The following L3MBTL2 variants were observed in gnomAD, a reference collection of about 807,000 sequenced individuals.
The protein encoded by L3MBTL2 is L3MBTL histone methyl-lysine binding protein 2.
In L3MBTL2, 49 loss-of-function variants were observed where a neutral mutation model predicts 86.4. The observed-to-expected ratio is 0.57, with a 90% CI of 0.45 to 0.72. L3MBTL2 has a LOEUF of 0.72. Among genes scored for constraint, L3MBTL2 ranks in the 30% least tolerant of loss-of-function variants. The pLI, the probability that L3MBTL2 is intolerant of heterozygous loss-of-function variation, is 0.00. For missense variants in L3MBTL2, 755 were observed against 923.7 expected (o/e 0.82, Z 2.37); for synonymous variants, 336 against 350.6 (o/e 0.96, Z 0.47).
intron 8 of L3MBTL2, 31 bp from the exon 9 acceptor site, chr22:41,223,989 A>T: frequency 6.5e-7 from 1 of 1,548,224 alleles, no homozygotes. Flanking sequence ...GCCCTGAGCC[A>T]TAGCAGGCCT....
At chr22:41,213,101 C>T (rs1022700537) in intron 2 of L3MBTL2, among the ~76,000 whole-genome samples, 4 of 152,066 alleles carry the variant, frequency 2.6e-5, no homozygotes, top group Non-Finnish European at 5.9e-5. Flanking sequence ...CCTGTAGTCC[C>T]AGCTACTCGG....
chr22:41,208,780 C>T (rs1226933763), intron 1 of L3MBTL2, among the ~76,000 whole-genome samples: 2 of 152,134 alleles, frequency 1.3e-5, no homozygotes, highest in African/African-American at 4.8e-5. Context: ...CATCTCACTC[C>T]ATTACCAGGC....
chr22:41,227,838 AAAG>A lies in L3MBTL2; in HGVS notation c.1863_1865del (p.Lys624del), dbSNP rs1291395764. The A allele has an allele frequency of 6.2e-7, 1 of 1,613,686 alleles. No homozygotes were observed. The highest frequency in any genetic ancestry group is 1.7e-5 in the Admixed American group (1 of 60,010). ...CACCGCTGAAGGCCAAAGAGGCCAC[AAAG>A]AAGAAAAAGAAACAGTTTGGGAAGA... On this transcript the variant is annotated inframe_deletion, in exon 15 of 17. Coordinates refer to ENST00000216237, the MANE Select transcript of L3MBTL2 (RefSeq NM_031488.5). This position sits in a 1 kb window ranked among gnomAD's most constrained non-coding sequence, Gnocchi z 6.0.
At chr22:41,226,885 C>G in intron 13 of L3MBTL2, 141 bp downstream of exon 13, 1 of 762,062 alleles carries the variant, frequency 1.3e-6, no homozygotes, top group East Asian at 2.7e-5. Context: ...AAGTCCCCAG[C>G]TATGGCCTGG....
chr22:41,205,531 C>A (rs1466937088), intron 1 of L3MBTL2, 145 bp downstream of exon 1: 3 of 994,662 alleles, frequency 3.0e-6, no homozygotes, highest in African/African-American at 1.6e-5. Context: ...GAGCCAGGGG[C>A]AGAGGCAATT....
chr22:41,224,302 CGGAGTG>C lies in L3MBTL2; in HGVS notation c.1174+56_1174+61del. 6.8e-7 allele frequency: 1 copy of C among 1,472,826 alleles called. No individual in the cohort carries two copies. The highest frequency in any genetic ancestry group is 9.4e-7 in the Non-Finnish European group (1 of 1,064,774). The allele number at this position is 1,472,826 out of a possible 1,614,324, so 91.2% of individuals were successfully genotyped here. On this transcript the variant is annotated intron_variant, in intron 9 of 16. Transcript: ENST00000216237. This position sits in a 1 kb window ranked among gnomAD's most constrained non-coding sequence, Gnocchi z 4.9. ...ACTGCATGCTGTGCTTCCCCAGGGA[CGGAGTG>C]GGAGCACCTTCCTACTCGTCACAGC...
At chr22:41,213,596 C>T (rs2031094490) in intron 2 of L3MBTL2, 1 of 219,328 alleles carries the variant, frequency 4.6e-6, no homozygotes, top group Non-Finnish European at 9.0e-6. Context: ...CTAGTTTCTT[C>T]TCACTTTCCT....
chr22:41,227,963 G>T lies in L3MBTL2; in HGVS notation c.1888+94G>T. ...AGGCGGGGGTCAGCCCCCAGGCACT[G>T]GTTCCCAGGTGCTGTCCTACTGACG... On this transcript the variant is annotated intron_variant, in intron 15 of 16. Transcript: ENST00000216237. This position sits in a 1 kb window ranked among gnomAD's most constrained non-coding sequence, Gnocchi z 6.0. 6.5e-7 allele frequency: 1 copy of T among 1,531,558 alleles called. No homozygotes were observed. The allele number at this position is 1,531,558 out of a possible 1,614,324, so 94.9% of individuals were successfully genotyped here.
intron 2 of L3MBTL2, 169 bp from the exon 3 acceptor site, chr22:41,213,724 T>C (rs2031109862): frequency 1.2e-5 from 8 of 678,934 alleles, no homozygotes; most frequent in Non-Finnish European, 2.0e-5. Flanking sequence ...TTCAGGTAGA[T>C]TCAGGATATA....
chr22:41,228,405 GCTTGGGTTCCA>G, intron 15 of L3MBTL2: 1 of 985,472 alleles, frequency 1.0e-6, no homozygotes, highest in South Asian at 4.7e-5. Flanking sequence ...TCTGAGCCCA[GCTTGGGTTCCA>G]CTTGAGGGGC....
chr22:41,209,811 A>G lies in L3MBTL2; in HGVS notation c.140A>G (p.Tyr47Cys). ...AGTGTGGGCAGTGAGAGCAGCTCCT[A>G]TCTGGAGGAGTCAAGTGAAGCAGAA... is the stretch of plus-strand genomic sequence containing the variant. ...NSSVGSESSS[Y>C]LEESSEAENE... The change falls in exon 2 of 17, where the codon TAT (tyrosine) becomes TGT (cysteine). Residue 47 changes from tyrosine to cysteine, a missense_variant. Physicochemically the swap from Tyr to Cys is radical, Grantham distance 194. Around this residue, in one of 3 missense-constraint regions of L3MBTL2, gnomAD observed 103 missense variants for 105.2 expected, o/e 0.98. Transcript: ENST00000216237. 1 of 1,614,194 alleles carries G rather than the reference A, an allele frequency of 6.2e-7. No homozygotes were observed. Among genetic ancestry groups the G allele is most frequent in the Non-Finnish European group, 8.5e-7 (1 of 1,180,034 alleles).
chr22:41,209,643 G>A lies in L3MBTL2; in HGVS notation c.25-53G>A, dbSNP rs748529662. ...GCAGATCTGCAGCTTCTCCCCCCGT[G>A]CACTAAAGCCAATCATAATTCTTTC... On this transcript the variant is annotated intron_variant, in intron 1 of 16. Transcript: ENST00000216237. The A allele has an allele frequency of 2.0e-6, 3 of 1,520,952 alleles. No individual in the cohort carries two copies. In the African/African-American group the frequency reaches 4.1e-5, roughly 21 times the overall value. The allele number at this position is 1,520,952 out of a possible 1,614,324, so 94.2% of individuals were successfully genotyped here.
rs2032157288 is a variant in L3MBTL2, at chr22:41,225,995, G to A, written c.1504+54G>A. ...TCCTTGCCATCAGAAGGGGCAGGGT[G>A]TCCAGGCGCGGTGGCTCCCGCCTGT... On this transcript the variant is annotated intron_variant, in intron 12 of 16. Coordinates refer to ENST00000216237, the MANE Select transcript of L3MBTL2 (RefSeq NM_031488.5). This position sits in a 1 kb window ranked among gnomAD's most constrained non-coding sequence, Gnocchi z 4.1. 1.9e-6 allele frequency: 3 copies of A among 1,583,162 alleles called. No individual in the cohort carries two copies. The highest frequency in any genetic ancestry group is 1.3e-5 in the African/African-American group (1 of 74,650).
In L3MBTL2 at chr22:41,229,578, CA is replaced by C; in HGVS notation, c.1928del (p.Gln643ArgfsTer32). ...GCCCACTAAGACGCGACCCCTCAGA[CA>C]GGGGTCCAAGAAGCCCCTGCTGGAG... Reference protein sequence around the residue: ...IPPTKTRPLRQGSKKPLLEDD... With the variant: ...IPPTKTRPLRXGSKKPLLEDD... On this transcript the variant is annotated frameshift_variant, in exon 16 of 17. Coordinates refer to ENST00000216237, the MANE Select transcript of L3MBTL2 (RefSeq NM_031488.5). LOFTEE classifies it high-confidence loss of function. The C allele has an allele frequency of 6.2e-7, 1 of 1,613,392 alleles. No homozygotes were observed. The highest frequency in any genetic ancestry group is 8.5e-7 in the Non-Finnish European group (1 of 1,179,424).
intron 7 of L3MBTL2, 36 bp downstream of exon 7, chr22:41,220,904 T>G (rs2031765860): frequency 6.3e-7 from 1 of 1,596,856 alleles, no homozygotes; most frequent in Admixed American, 1.7e-5. Flanking sequence ...CTTGTTCCCG[T>G]AGGGCCCCTG....
Position 41,209,787 on chromosome 22 carries a change from G to A in L3MBTL2, c.116G>A (p.Ser39Asn), listed in dbSNP as rs370002474. The A allele has an allele frequency of 2.5e-6, 4 of 1,614,216 alleles. No homozygotes were observed. Among genetic ancestry groups the A allele is most frequent in the East Asian group, 2.2e-5 (1 of 44,888 alleles). The change falls in exon 2 of 17, where the codon AGT (serine) becomes AAT (asparagine). Residue 39 changes from serine to asparagine, a missense_variant. Coordinates refer to ENST00000216237, the MANE Select transcript of L3MBTL2 (RefSeq NM_031488.5). ...GYDSFRSYNS[S>N]VGSESSSYLE... ...GATAGTTTCCGGAGTTATAACAGCA[G>A]TGTGGGCAGTGAGAGCAGCTCCTAT...
At chr22:41,222,778 G>T (rs1054907490) in intron 8 of L3MBTL2, among the ~76,000 whole-genome samples, 1 of 152,190 alleles carries the variant, frequency 6.6e-6, no homozygotes, top group Non-Finnish European at 1.5e-5. Flanking sequence ...AAATTAGCTG[G>T]GTGTGGTGGC....
Position 41,225,223 on chromosome 22 carries a change from G to T in L3MBTL2, c.1356+152G>T. ...CAGAGTCCCTGACTTTTGTGAGTGGGGCCTGGCCTGCCCCTTGCTCAGAAT... is the reference window on the plus strand; with the variant it reads ...CAGAGTCCCTGACTTTTGTGAGTGGTGCCTGGCCTGCCCCTTGCTCAGAAT... On this transcript the variant is annotated intron_variant, in intron 11 of 16. Coordinates refer to ENST00000216237, the MANE Select transcript of L3MBTL2 (RefSeq NM_031488.5). The surrounding 1 kb of genome is among the most constrained non-coding windows in gnomAD (Gnocchi z 4.1). 1 of 628,882 alleles carries T rather than the reference G, an allele frequency of 1.6e-6. No individual in the cohort carries two copies. Among genetic ancestry groups the T allele is most frequent in the Non-Finnish European group, 2.7e-6 (1 of 363,754 alleles). The allele number at this position is 628,882 out of a possible 1,614,324, so 39.0% of individuals were successfully genotyped here.
intron 3 of L3MBTL2, 104 bp downstream of exon 3, chr22:41,214,130 T>C: frequency 8.6e-7 from 1 of 1,156,552 alleles, no homozygotes; most frequent in Non-Finnish European, 1.3e-6. Flanking sequence ...AGGTCCTTGC[T>C]TGTGGCCAGC....
Sources: gnomAD v4.1 joint callset for allele counts (sites outside exome capture counted in the v4.1 genomes callset) on GRCh38, gnomAD v4.1.1 for gene constraint, gnomAD v4.1.1 regional missense constraint, Gnocchi (gnomAD v3.1) non-coding constraint, MANE v1.5 for transcripts, NCBI Gene and HGNC (gene_info 2026-07-23, HGNC 2026-07-21) for gene names.